Variants in PCDHGA3 observed in about 807,000 individuals in gnomAD.
The protein encoded by PCDHGA3 is protocadherin gamma-A3.
In PCDHGA3, 40 loss-of-function variants were observed where a neutral mutation model predicts 58.5. That is an observed-to-expected ratio of 0.68 (90% CI 0.53 to 0.89). The LOEUF is 0.89. Ranked by LOEUF, PCDHGA3 falls within the 40% of genes least tolerant of loss-of-function variation. PCDHGA3 has a pLI of 0.00. For synonymous variants in PCDHGA3, 530 were observed against 525.7 expected (o/e 1.01, Z -0.11); for missense variants, 1,223 against 1,195.9 (o/e 1.02, Z -0.33).
At chr5:141,409,674 TAGTGGCG>T in intron 1 of PCDHGA3, 1 of 1,613,414 alleles carries the variant, frequency 6.2e-7, no homozygotes, top group Non-Finnish European at 8.5e-7. Flanking sequence ...TCCTACTCTA[TAGTGGCG>T]AGTGACCTAG....
chr5:141,409,781 G>A lies in PCDHGA3; in HGVS notation c.2424+63324G>A, dbSNP rs753415525. On this transcript the variant is annotated intron_variant, in intron 1 of 3. Transcript: ENST00000253812. ...CGCCTTTGATCACGAGCAGCTGCGC[G>A]CCTTCGCGCTCACGCTGCAGGCCCG... is the stretch of plus-strand genomic sequence containing the variant. The A allele has an allele frequency of 8.7e-6, 14 of 1,612,178 alleles. No individual in the cohort carries two copies. The highest frequency in any genetic ancestry group is 6.7e-5 in the Admixed American group (4 of 59,882).
chr5:141,464,079 A>G (rs996899520), intron 1 of PCDHGA3, among the ~76,000 whole-genome samples: 3 of 152,124 alleles, frequency 2.0e-5, no homozygotes, highest in Non-Finnish European at 4.4e-5. Flanking sequence ...AGCCTGGCCA[A>G]CATGGTGAAA....
chr5:141,476,271 C>T lies in PCDHGA3; in HGVS notation c.2425-18536C>T. Reference sequence around the variant, plus strand: ...GGTTTCGCTGTGGGCAACGTGGTCGCGAACCTTGGTTTGGATCTCGGTAGC... The same window carrying T: ...GGTTTCGCTGTGGGCAACGTGGTCGTGAACCTTGGTTTGGATCTCGGTAGC... On this transcript the variant is annotated intron_variant, in intron 1 of 3. Coordinates refer to ENST00000253812, the MANE Select transcript of PCDHGA3 (RefSeq NM_018916.4). This position sits in a 1 kb window ranked among gnomAD's most constrained non-coding sequence, Gnocchi z 7.6. 4 of 1,613,892 alleles carry T rather than the reference C, an allele frequency of 2.5e-6. No homozygotes were observed. The highest frequency in any genetic ancestry group is 3.4e-6 in the Non-Finnish European group (4 of 1,179,974).
At chr5:141,394,859 C>G in intron 1 of PCDHGA3, 4 of 1,613,758 alleles carry the variant, frequency 2.5e-6, no homozygotes, top group Non-Finnish European at 3.4e-6. Flanking sequence ...AGCCTTCGGT[C>G]GACCCGAACG....
intron 1 of PCDHGA3, among the ~76,000 whole-genome samples, chr5:141,439,449 G>A (rs761506247): frequency 4.6e-5 from 7 of 152,184 alleles, no homozygotes; most frequent in Admixed American, 3.9e-4. Context: ...TATTGCGGGA[G>A]CAAGACTGCA....
intron 1 of PCDHGA3, chr5:141,415,740 G>GTTTTTTTTTTTTTGTTT (rs2095912299): frequency 1.9e-6 from 1 of 515,998 alleles, no homozygotes; most frequent in Non-Finnish European, 2.6e-6. Context: ...GTTTATTAAG[G>GTTTTTTTTTTTTTGTTT]TTTTTTTTTT....
chr5:141,366,906 C>A, intron 1 of PCDHGA3: 1 of 1,142,114 alleles, frequency 8.8e-7, no homozygotes, highest in South Asian at 1.7e-5. Context: ...ATGCTTTCTC[C>A]ATTTGTTTTC....
chr5:141,361,183 A>C (rs1461203772), intron 1 of PCDHGA3: 2 of 1,613,944 alleles, frequency 1.2e-6, no homozygotes, highest in Non-Finnish European at 1.7e-6. Flanking sequence ...AGTTATTGTG[A>C]CTTCAGTATC....
At chr5:141,445,257 A>G (rs1253126709) in intron 1 of PCDHGA3, among the ~76,000 whole-genome samples, 3 of 152,152 alleles carry the variant, frequency 2.0e-5, no homozygotes, top group African/African-American at 2.4e-5. Context: ...GTGTGAGAAT[A>G]TAAGTCGAAA....
Position 141,491,897 on chromosome 5 carries a change from C to G in PCDHGA3, c.2425-2910C>G. The stretch of plus-strand genomic sequence containing the variant: ...GATTAAGGGATGGGGCTCCGAGCAC[C>G]GGGGGTGGTGGCGACTGTGGGCGAG... On this transcript the variant is annotated intron_variant, in intron 1 of 3. Transcript: ENST00000253812. This position sits in a 1 kb window ranked among gnomAD's most constrained non-coding sequence, Gnocchi z 6.9. 7 of 1,432,534 alleles carry G rather than the reference C, an allele frequency of 4.9e-6. No homozygotes were observed. The highest frequency in any genetic ancestry group is 6.5e-6 in the Non-Finnish European group (7 of 1,082,898). 88.7% of individuals were successfully genotyped at this position (1,432,534 alleles called of 1,614,324 possible).
chr5:141,481,658 T>C (rs910422064), intron 1 of PCDHGA3, among the ~76,000 whole-genome samples: 2 of 150,554 alleles, frequency 1.3e-5, no homozygotes, highest in East Asian at 2.0e-4. Context: ...TCTCTACTAA[T>C]AATACAAAAA....
intron 1 of PCDHGA3, among the ~76,000 whole-genome samples, chr5:141,429,387 T>TA (rs11410533): frequency 0.01 from 1,566 of 151,436 alleles, 8 homozygotes; most frequent in Middle Eastern, 0.031. Flanking sequence ...GTTTTTTTTT[T>TA]AAAAAAAATT....
intron 2 of PCDHGA3, among the ~76,000 whole-genome samples, chr5:141,503,598 C>CA (rs765754054): frequency 0.15 from 9,705 of 65,252 alleles, 922 homozygotes; most frequent in African/African-American, 0.34. Context: ...GACTCCAGCT[C>CA]AAAAAAAAAA....
At chr5:141,388,957 C>T (rs1378746840) in intron 1 of PCDHGA3, 7 of 1,613,822 alleles carry the variant, frequency 4.3e-6, no homozygotes, top group Non-Finnish European at 5.9e-6. Flanking sequence ...ATGGAGGACG[C>T]CGAGCTGGGA....
intron 1 of PCDHGA3, chr5:141,379,315 A>T (rs1364362567): frequency 1.3e-5 from 2 of 152,242 alleles, no homozygotes; most frequent in Non-Finnish European, 2.9e-5. Context: ...TAAACAAGAG[A>T]TCTAATCATA....
rs1377364370 is a variant in PCDHGA3, at chr5:141,477,489, C to T, written c.2425-17318C>T. 1 of 1,614,048 alleles carries T rather than the reference C, an allele frequency of 6.2e-7. No homozygotes were observed. Among genetic ancestry groups the T allele is most frequent in the Non-Finnish European group, 8.5e-7 (1 of 1,180,044 alleles). On this transcript the variant is annotated intron_variant, in intron 1 of 3. Coordinates refer to ENST00000253812, the MANE Select transcript of PCDHGA3 (RefSeq NM_018916.4). This position sits in a 1 kb window ranked among gnomAD's most constrained non-coding sequence, Gnocchi z 4.9. ...ATCAATGACAACCCTCCACAATCTT[C>T]TCAATCTTCCTACGACGTTTACATT...
chr5:141,351,113 A>T (rs747085623), intron 1 of PCDHGA3: 1 of 1,614,034 alleles, frequency 6.2e-7, no homozygotes, highest in Non-Finnish European at 8.5e-7. Flanking sequence ...CCCAATAAGT[A>T]CCAGCCTCTT....
Position 141,432,831 on chromosome 5 carries a change from T to C in PCDHGA3, c.2425-61976T>C. 1 of 1,614,206 alleles carries C rather than the reference T, an allele frequency of 6.2e-7. No individual in the cohort carries two copies. Among genetic ancestry groups the C allele is most frequent in the Non-Finnish European group, 8.5e-7 (1 of 1,180,006 alleles). ...AACTCTGAAACCTCAGACCTCACTC[T>C]GTACCTGGTGGTAGCGGTGGCCGCG... On this transcript the variant is annotated intron_variant, in intron 1 of 3. Coordinates refer to ENST00000253812, the MANE Select transcript of PCDHGA3 (RefSeq NM_018916.4). The surrounding 1 kb of genome is among the most constrained non-coding windows in gnomAD (Gnocchi z 6.0).
At position 141,490,155 on chromosome 5, in the gene PCDHGA3, G is replaced by A. The variant is rs753981059; in HGVS notation, c.2425-4652G>A. On this transcript the variant is annotated intron_variant, in intron 1 of 3. Transcript: ENST00000253812. This position sits in a 1 kb window ranked among gnomAD's most constrained non-coding sequence, Gnocchi z 5.4. ...CTAGCAGTGGGGCAATCCATGTGTT[G>A]GGTCCCATAGACTTTGAGGAGTCAC... 2 of 1,614,214 alleles carry A rather than the reference G, an allele frequency of 1.2e-6. No individual in the cohort carries two copies. The highest frequency in any genetic ancestry group is 1.1e-5 in the South Asian group (1 of 91,086).
Sources: gnomAD v4.1 joint callset for allele counts (sites outside exome capture counted in the v4.1 genomes callset) on GRCh38, gnomAD v4.1.1 for gene constraint, Gnocchi (gnomAD v3.1) non-coding constraint, MANE v1.5 for transcripts, NCBI Gene and HGNC (gene_info 2026-07-23, HGNC 2026-07-21) for gene names.